LYAR: variants seen among roughly 807,000 people sequenced by gnomAD.
LYAR encodes cell growth-regulating nucleolar protein.
Under a neutral mutation model 45.2 loss-of-function variants are expected in LYAR, and 37 were observed. The ratio of observed to expected loss-of-function variants is 0.82; its 90% CI spans 0.63 to 1.08. LYAR has a LOEUF of 1.08. Ranked by LOEUF, LYAR falls within the 50% of genes least tolerant of loss-of-function variation. The pLI is 0.00. For missense variants in LYAR, 493 were observed against 451.0 expected (o/e 1.09, Z -0.84); for synonymous variants, 176 against 155.1 (o/e 1.14, Z -1.00).
At position 4,279,646 on chromosome 4, in the gene LYAR, A is replaced by C. The variant is rs1719319016; in HGVS notation, c.341T>G (p.Phe114Cys). ...TTCAAGAAAGTCAATTCATACCTGA[A>C]ATTTTGCCTTTTTCCTGGGAACGTT... ...FDNVPRKKAKFQNWMKNSLKV... is the reference protein window; with the variant it reads ...FDNVPRKKAKCQNWMKNSLKV... Residue 114 changes from phenylalanine (F) to cysteine (C), a missense_variant, in exon 5 of 10, where the codon TTT (phenylalanine) becomes TGT (cysteine). Coordinates refer to ENST00000343470, the MANE Select transcript of LYAR (RefSeq NM_017816.3). 1 of 1,613,176 alleles carries C rather than the reference A, an allele frequency of 6.2e-7. No individual in the cohort carries two copies. Among genetic ancestry groups the C allele is most frequent in the Non-Finnish European group, 8.5e-7 (1 of 1,179,342 alleles).
At chr4:4,278,255 A>G (rs1719267820) in intron 6 of LYAR, among the ~76,000 whole-genome samples, 1 of 152,190 alleles carries the variant, frequency 6.6e-6, no homozygotes, top group Non-Finnish European at 1.5e-5. Flanking sequence ...CTTGTTGCCG[A>G]AAGTATTCTC....
intron 6 of LYAR, 129 bp from the exon 7 acceptor site, chr4:4,274,898 A>G (rs1392409862): frequency 1.2e-6 from 1 of 842,440 alleles, no homozygotes; most frequent in Non-Finnish European, 1.8e-6. Context: ...TTATCGTTTT[A>G]TAACTGTGAC....
chr4:4,288,920 C>G (rs60439315), intron 1 of LYAR, among the ~76,000 whole-genome samples: 2,607 of 152,346 alleles, frequency 0.017, 63 homozygotes, highest in African/African-American at 0.059. Context: ...AACACTGTGA[C>G]CCTGAGCATG....
At position 4,273,576 on chromosome 4, in the gene LYAR, G is replaced by C. The variant is rs139789203; in HGVS notation, c.919+7C>G. On this transcript the variant is annotated splice_region_variant and intron_variant, in intron 8 of 9. Transcript: ENST00000343470. ...GCCGTGCTCCTCAAATGACAGCAGT[G>C]ATATACCTTTTGCAGGAGCCTCATC... The C allele has an allele frequency of 2.7e-4, 430 of 1,607,302 alleles. 2 individuals carry two copies. In the African/African-American group the frequency reaches 4.6e-3, roughly 17 times the overall value.
At chr4:4,281,435 T>C (rs1390503306) in intron 4 of LYAR, among the ~76,000 whole-genome samples, 2 of 152,118 alleles carry the variant, frequency 1.3e-5, no homozygotes, top group Admixed American at 6.5e-5. Context: ...TTCTCCTGCC[T>C]CAGCCTCCTG....
chr4:4,286,965 AATG>A (rs1719645085), intron 1 of LYAR, among the ~76,000 whole-genome samples: 1 of 152,142 alleles, frequency 6.6e-6, no homozygotes, highest in African/African-American at 2.4e-5. Flanking sequence ...TTAAATTTTA[AATG>A]ATGTTTTGGC....
Position 4,281,843 on chromosome 4 carries a change from A to G in LYAR, c.177T>C (p.Gly59=), listed in dbSNP as rs763160414. 4.5e-5 allele frequency: 72 copies of G among 1,614,006 alleles called. No individual in the cohort carries two copies. Among genetic ancestry groups the G allele is most frequent in the East Asian group, 2.4e-4 (11 of 44,898 alleles). ...GGGTTTTACCTTCATAGCCTTTGCC[A>G]CCATACTTCTGATCTTCACTTATGC... ...VKCISEDQKY[G]GKGYEGKTHK... The change falls in exon 4 of 10, where the codon GGT becomes GGC. Residue 59 remains glycine, a synonymous_variant. Coordinates refer to ENST00000343470, the MANE Select transcript of LYAR (RefSeq NM_017816.3).
chr4:4,271,731 A>C (rs1202132437), intron 8 of LYAR, among the ~76,000 whole-genome samples: 1 of 152,234 alleles, frequency 6.6e-6, no homozygotes, highest in Non-Finnish European at 1.5e-5. Context: ...ACTGTATGAC[A>C]CAGCATTGAA....
intron 6 of LYAR, 86 bp from the exon 7 acceptor site, chr4:4,274,855 A>G: frequency 1.5e-6 from 2 of 1,313,840 alleles, no homozygotes; most frequent in Non-Finnish European, 2.1e-6. Context: ...CCTACTACAT[A>G]AACTGTTCAA....
rs976494650 is a variant in LYAR, at chr4:4,273,604, C to T, written c.898G>A (p.Asp300Asn). 1 of 1,613,612 alleles carries T rather than the reference C, an allele frequency of 6.2e-7. No individual in the cohort carries two copies. Among genetic ancestry groups the T allele is most frequent in the Admixed American group, 1.7e-5 (1 of 59,992 alleles). Reference sequence around the variant, plus strand: ...ATACCTTTTGCAGGAGCCTCATCGTCTTCTGGTTCTCCGCCCTCAGGATGC... The same window carrying T: ...ATACCTTTTGCAGGAGCCTCATCGTTTTCTGGTTCTCCGCCCTCAGGATGC... ...PEHPEGGEPE[D>N]DEAPAKGKFN... The change falls in exon 8 of 10, where the codon GAC becomes AAC. Residue 300 changes from aspartate to asparagine, a missense_variant. By Grantham distance (23) the Asp-to-Asn change is conservative. Coordinates refer to ENST00000343470, the MANE Select transcript of LYAR (RefSeq NM_017816.3).
At position 4,273,729 on chromosome 4, in the gene LYAR, T is replaced by C. The variant is rs927786988; in HGVS notation, c.833-60A>G. 10 of 965,366 alleles carry C rather than the reference T, an allele frequency of 1.0e-5. No individual in the cohort carries two copies. In the African/African-American group the frequency reaches 1.5e-4, roughly 14 times the overall value. The allele number at this position is 965,366 out of a possible 1,614,324, so 59.8% of individuals were successfully genotyped here. ...TTTGCATTTACGCTAGCAGCTACCATTTAATGAGACCTTATGCGAGCTAGG... is the reference window on the plus strand; with the variant it reads ...TTTGCATTTACGCTAGCAGCTACCACTTAATGAGACCTTATGCGAGCTAGG... On this transcript the variant is annotated intron_variant, in intron 7 of 9. Coordinates refer to ENST00000343470, the MANE Select transcript of LYAR (RefSeq NM_017816.3).
intron 3 of LYAR, 94 bp downstream of exon 3, chr4:4,283,523 CTTCA>C: frequency 7.8e-7 from 1 of 1,280,396 alleles, no homozygotes. Flanking sequence ...TAATTTCATT[CTTCA>C]AATTTGCCAC....
chr4:4,281,991 G>A (rs1171173422), intron 3 of LYAR, 94 bp from the exon 4 acceptor site: 5 of 739,436 alleles, frequency 6.8e-6, no homozygotes, highest in East Asian at 2.5e-5. Flanking sequence ...GGTCTACACT[G>A]TATATTTTCA....
chr4:4,274,856 A>G, intron 6 of LYAR, 87 bp from the exon 7 acceptor site: 1 of 1,311,734 alleles, frequency 7.6e-7, no homozygotes, highest in Non-Finnish European at 1.0e-6. Flanking sequence ...CTACTACATA[A>G]ACTGTTCAAG....
chr4:4,271,349 A>G (rs1259984442), intron 8 of LYAR, among the ~76,000 whole-genome samples: 1 of 152,180 alleles, frequency 6.6e-6, no homozygotes, highest in African/African-American at 2.4e-5. Context: ...ACAGGATCTC[A>G]TTCTTTTTAT....
chr4:4,276,137 G>T (rs1453602047), intron 6 of LYAR, among the ~76,000 whole-genome samples: 1 of 152,160 alleles, frequency 6.6e-6, no homozygotes, highest in Non-Finnish European at 1.5e-5. Context: ...ACTGTTCCAT[G>T]TTCCCTGATG....
chr4:4,285,951 G>A (rs1378319555), intron 2 of LYAR, among the ~76,000 whole-genome samples: 1 of 152,168 alleles, frequency 6.6e-6, no homozygotes, highest in Admixed American at 6.5e-5. Context: ...TCTGGAGATC[G>A]GCTACACACT....
intron 2 of LYAR, among the ~76,000 whole-genome samples, chr4:4,286,095 GA>G (rs1378006493): frequency 1.3e-5 from 2 of 152,338 alleles, no homozygotes; most frequent in East Asian, 3.9e-4. Context: ...CAGGAAGTCA[GA>G]ACTGTCTCTT....
intron 4 of LYAR, among the ~76,000 whole-genome samples, chr4:4,281,357 C>T (rs375992186): frequency 6.7e-4 from 101 of 151,366 alleles, no homozygotes; most frequent in African/African-American, 2.2e-3. Flanking sequence ...TTTTTTGAGA[C>T]GGAGTCTCAC....
Sources: gnomAD v4.1 joint callset for allele counts (sites outside exome capture counted in the v4.1 genomes callset) on GRCh38, gnomAD v4.1.1 for gene constraint, MANE v1.5 for transcripts, NCBI Gene and HGNC (gene_info 2026-07-23, HGNC 2026-07-21) for gene names.